Variants in MTDH observed in about 807,000 individuals in gnomAD.
The protein encoded by MTDH is metadherin.
A neutral mutation model predicts 72.7 loss-of-function variants in MTDH; 34 were observed. The ratio of observed to expected loss-of-function variants is 0.47; its 90% CI spans 0.36 to 0.62. MTDH has a LOEUF of 0.62. Among genes scored for constraint, MTDH ranks in the 20% least tolerant of loss-of-function variants. The probability of loss-of-function intolerance (pLI) is 0.00; values close to 1 mark genes in which losing one functional copy is unlikely to be tolerated. For missense variants in MTDH, 677 were observed against 699.4 expected, an observed-to-expected ratio of 0.97 and a Z score of 0.36; for synonymous variants, 266 against 268.9, an observed-to-expected ratio of 0.99 and a Z score of 0.10.
chr8:97,718,631 A>G (rs1814979333), intron 9 of MTDH, among the ~76,000 whole-genome samples: 1 of 150,084 alleles, frequency 6.7e-6, no homozygotes, highest in Non-Finnish European at 1.5e-5. Context: ...AGCAATTCTC[A>G]TACCTCCTCC....
At chr8:97,646,470 G>GAACCTTGCTCC (rs1811567461) in intron 1 of MTDH, among the ~76,000 whole-genome samples, 1 of 141,476 alleles carries the variant, frequency 7.1e-6, no homozygotes, top group Non-Finnish European at 1.5e-5. Context: ...GGTAAGGAAA[G>GAACCTTGCTCC]AAGGTGATCT....
At chr8:97,709,089 G>C in intron 8 of MTDH, among the ~76,000 whole-genome samples, 1 of 151,986 alleles carries the variant, frequency 6.6e-6, no homozygotes, top group East Asian at 2.0e-4. Context: ...TACTCATGAG[G>C]CTGACTGAGG....
chr8:97,696,806 G>A (rs1400755758), intron 6 of MTDH, among the ~76,000 whole-genome samples: 1 of 151,900 alleles, frequency 6.6e-6, no homozygotes, highest in Non-Finnish European at 1.5e-5. Context: ...GAAACTACAT[G>A]TATTTAACAA....
intron 1 of MTDH, among the ~76,000 whole-genome samples, chr8:97,659,630 T>TTGTATTG (rs1812105366): frequency 6.6e-6 from 1 of 152,230 alleles, no homozygotes; most frequent in Non-Finnish European, 1.5e-5. Flanking sequence ...TTGTATTGTT[T>TTGTATTG]TCTTGAGTAT....
At chr8:97,711,254 TTGGGAGAC>T (rs1486618279) in intron 8 of MTDH, among the ~76,000 whole-genome samples, 1 of 151,726 alleles carries the variant, frequency 6.6e-6, no homozygotes, top group Non-Finnish European at 1.5e-5. Context: ...TCCCAGCACT[TTGGGAGAC>T]TAAGGTAGGA....
intron 9 of MTDH, among the ~76,000 whole-genome samples, chr8:97,716,905 T>C (rs991583150): frequency 6.6e-6 from 1 of 152,030 alleles, no homozygotes; most frequent in African/African-American, 2.4e-5. Context: ...TATCCCAAAC[T>C]CCTGGGCTCA....
intron 10 of MTDH, among the ~76,000 whole-genome samples, chr8:97,722,328 G>A (rs148028533): frequency 2.0e-5 from 3 of 152,280 alleles, no homozygotes; most frequent in East Asian, 1.9e-4. Context: ...TAGGCCGGGC[G>A]TGGTTGCTCA....
intron 8 of MTDH, among the ~76,000 whole-genome samples, chr8:97,711,090 A>G (rs953673529): frequency 6.6e-6 from 1 of 152,188 alleles, no homozygotes; most frequent in African/African-American, 2.4e-5. Flanking sequence ...TGCTAACTTG[A>G]TAGGTATATT....
chr8:97,693,039 G>A (rs1813681989), intron 6 of MTDH, among the ~76,000 whole-genome samples: 1 of 151,954 alleles, frequency 6.6e-6, no homozygotes, highest in Non-Finnish European at 1.5e-5. Context: ...GCCATGTTTT[G>A]CGGTTATTTC....
At chr8:97,706,812 G>T in intron 8 of MTDH, 62 bp downstream of exon 8, 1 of 1,531,892 alleles carries the variant, frequency 6.5e-7, no homozygotes, top group Non-Finnish European at 8.8e-7. Context: ...GGGCACAGTG[G>T]CTCACGCCTA....
intron 2 of MTDH, among the ~76,000 whole-genome samples, chr8:97,662,322 G>T (rs1303422070): frequency 6.0e-5 from 9 of 149,638 alleles, no homozygotes; most frequent in Admixed American, 2.0e-4. Flanking sequence ...CAGGCGTGAG[G>T]TACCACATCC....
chr8:97,650,293 G>T (rs918850625), intron 1 of MTDH, among the ~76,000 whole-genome samples: 1 of 151,422 alleles, frequency 6.6e-6, no homozygotes, highest in South Asian at 2.1e-4. Flanking sequence ...ATTTCTTTTC[G>T]AAACAGGGTC....
rs1346805398 is a variant in MTDH, at chr8:97,644,680, G to T, written c.174G>T (p.Ala58=). The T allele has an allele frequency of 1.9e-6, 3 of 1,604,870 alleles. No individual in the cohort carries two copies. Among genetic ancestry groups the T allele is most frequent in the Admixed American group, 1.7e-5 (1 of 59,520 alleles). Residue 58 remains alanine (A), a synonymous_variant, in exon 1 of 12, where the codon GCG becomes GCT. Transcript: ENST00000336273. The stretch of plus-strand genomic sequence containing the variant: ...GGGTGATCCTGGTGGGCACTGGCGC[G>T]CTCGGGCTGCTGCTGCTGTTTCTGC... ...PGWVILVGTG[A]LGLLLLFLLG... is the part of the protein sequence containing the mutation.
chr8:97,719,633 A>T (rs1815028385), intron 10 of MTDH, among the ~76,000 whole-genome samples: 1 of 152,206 alleles, frequency 6.6e-6, no homozygotes, highest in Non-Finnish European at 1.5e-5. Context: ...GAAAGGTGAG[A>T]CGCATTTTAT....
intron 2 of MTDH, among the ~76,000 whole-genome samples, chr8:97,668,148 G>A (rs925588232): frequency 6.6e-6 from 1 of 152,054 alleles, no homozygotes; most frequent in African/African-American, 2.4e-5. Context: ...CTAGCCGAGC[G>A]AGGTGGCAGG....
chr8:97,715,542 A>T (rs1054140454), intron 9 of MTDH, among the ~76,000 whole-genome samples: 1 of 152,244 alleles, frequency 6.6e-6, no homozygotes, highest in Non-Finnish European at 1.5e-5. Context: ...TATTATCAAT[A>T]CTTGCTTGCT....
intron 2 of MTDH, among the ~76,000 whole-genome samples, chr8:97,663,956 C>T (rs965699467): frequency 1.3e-5 from 2 of 152,078 alleles, no homozygotes; most frequent in Non-Finnish European, 2.9e-5. Flanking sequence ...TTTTTACTGC[C>T]TTGTATTATT....
intron 2 of MTDH, among the ~76,000 whole-genome samples, chr8:97,677,810 GTATT>G (rs757884232): frequency 8.5e-5 from 13 of 152,068 alleles, no homozygotes; most frequent in Admixed American, 3.9e-4. Flanking sequence ...TTTTTTGGAG[GTATT>G]TATTTATGCA....
chr8:97,660,545 G>A (rs1812135922), intron 1 of MTDH, among the ~76,000 whole-genome samples: 1 of 152,110 alleles, frequency 6.6e-6, no homozygotes, highest in South Asian at 2.1e-4. Flanking sequence ...TTTTGTTTTT[G>A]CTGAGGACTG....
Sources: allele counts gnomAD v4.1 joint callset (sites outside exome capture counted in the v4.1 genomes callset), GRCh38; gene constraint gnomAD v4.1.1; transcripts MANE v1.5; gene names NCBI Gene and HGNC (gene_info 2026-07-23, HGNC 2026-07-21).